The following FAR2 variants were observed in gnomAD, a reference collection of about 807,000 sequenced individuals.
The protein encoded by FAR2 is epididymis secretory protein Li 81.
FAR2 carries 19 observed loss-of-function variants against 56.0 expected under a neutral mutation model. The ratio of observed to expected loss-of-function variants is 0.34; its 90% CI spans 0.24 to 0.50. FAR2 has a LOEUF of 0.50. Among genes scored for constraint, FAR2 ranks in the 20% least tolerant of loss-of-function variants. The pLI is 0.98. For synonymous variants in FAR2, 219 were observed against 218.8 expected (o/e 1.00, Z -0.01); for missense variants, 508 against 642.2 (o/e 0.79, Z 2.26).
At chr12:29,177,206 C>G (rs1949946901) in intron 1 of FAR2, among the ~76,000 whole-genome samples, 1 of 152,132 alleles carries the variant, frequency 6.6e-6, no homozygotes, top group Non-Finnish European at 1.5e-5. Context: ...CAAACAAACA[C>G]CCAGATTTTC....
chr12:29,267,274 T>G (rs1240985112), intron 1 of FAR2, among the ~76,000 whole-genome samples: 1 of 152,038 alleles, frequency 6.6e-6, no homozygotes, highest in Non-Finnish European at 1.5e-5. Flanking sequence ...GAAGAAAAAA[T>G]GTAAAACCAG....
chr12:29,231,186 G>C (rs1006049471), intron 1 of FAR2, among the ~76,000 whole-genome samples: 1 of 152,184 alleles, frequency 6.6e-6, no homozygotes, highest in African/African-American at 2.4e-5. Context: ...GTGGATGCAG[G>C]AATATTTGTT....
intron 1 of FAR2, among the ~76,000 whole-genome samples, chr12:29,255,893 G>A (rs1948309207): frequency 6.6e-6 from 1 of 151,634 alleles, no homozygotes; most frequent in African/African-American, 2.4e-5. Context: ...TTTTTGAGAT[G>A]GAGTCTCACT....
chr12:29,244,170 T>C (rs1948087623), intron 1 of FAR2, among the ~76,000 whole-genome samples: 1 of 152,212 alleles, frequency 6.6e-6, no homozygotes, highest in South Asian at 2.1e-4. Context: ...AATAATCAAA[T>C]GATTCATCAT....
At chr12:29,160,120 G>C (rs35039649) in intron 1 of FAR2, among the ~76,000 whole-genome samples, 2,231 of 152,266 alleles carry the variant, frequency 0.015, 34 homozygotes, top group African/African-American at 0.046. Context: ...GAACAACATG[G>C]GGTAATGACT....
chr12:29,276,496 T>C (rs1275802944), intron 2 of FAR2, among the ~76,000 whole-genome samples: 3 of 152,190 alleles, frequency 2.0e-5, no homozygotes, highest in Non-Finnish European at 4.4e-5. Flanking sequence ...TCTACTTTCT[T>C]GTCACTATAT....
chr12:29,179,235 A>G (rs1017567233), intron 1 of FAR2, among the ~76,000 whole-genome samples: 10 of 152,238 alleles, frequency 6.6e-5, no homozygotes, highest in African/African-American at 2.4e-4. Flanking sequence ...AATTCAGCCC[A>G]TAACAATCTC....
At chr12:29,158,327 C>T (rs1296016176) in intron 1 of FAR2, among the ~76,000 whole-genome samples, 1 of 152,190 alleles carries the variant, frequency 6.6e-6, no homozygotes, top group Non-Finnish European at 1.5e-5. Flanking sequence ...AAAAGATGGG[C>T]ACTTGTTCTT....
chr12:29,286,406 C>G (rs1021734450), intron 2 of FAR2, among the ~76,000 whole-genome samples: 1 of 152,200 alleles, frequency 6.6e-6, no homozygotes, highest in Non-Finnish European at 1.5e-5. Flanking sequence ...TAGGAAATTT[C>G]TTCCTCGATG....
chr12:29,322,327 C>G lies in FAR2; in HGVS notation c.1257+403C>G, dbSNP rs1450061547. Reference sequence around the variant, plus strand: ...TATTGCTTATAAACTCAATCATCCACTATTCTTGTCCAATCAAAATTGTTC... The same window carrying G: ...TATTGCTTATAAACTCAATCATCCAGTATTCTTGTCCAATCAAAATTGTTC... On this transcript the variant is annotated intron_variant, in intron 10 of 11. Coordinates refer to ENST00000536681, the MANE Select transcript of FAR2 (RefSeq NM_001271783.2). 2.6e-5 allele frequency among the ~76,000 whole-genome samples: 4 copies of G among 152,178 alleles called. No homozygotes were observed. The South Asian group carries it at 6.2e-4, about 24-fold the overall frequency.
At chr12:29,176,221 T>A (rs1185371927) in intron 1 of FAR2, among the ~76,000 whole-genome samples, 1 of 152,252 alleles carries the variant, frequency 6.6e-6, no homozygotes, top group African/African-American at 2.4e-5. Context: ...AAGAAAAGAT[T>A]TAATTTCTAA....
intron 1 of FAR2, among the ~76,000 whole-genome samples, chr12:29,216,538 T>C (rs1285976294): frequency 6.6e-6 from 1 of 152,146 alleles, no homozygotes; most frequent in Non-Finnish European, 1.5e-5. Context: ...AAAGGGAAAC[T>C]TCTACAAAAT....
At chr12:29,298,871 G>A (rs1201808542) in intron 4 of FAR2, among the ~76,000 whole-genome samples, 9 of 152,086 alleles carry the variant, frequency 5.9e-5, no homozygotes, top group Non-Finnish European at 1.0e-4. Flanking sequence ...CACCTGACAG[G>A]TCATAGTGCA....
intron 1 of FAR2, among the ~76,000 whole-genome samples, chr12:29,236,819 A>G (rs1460319825): frequency 6.6e-6 from 1 of 150,884 alleles, no homozygotes; most frequent in African/African-American, 2.4e-5. Flanking sequence ...GGGACAGGAA[A>G]TTGAAAATGC....
At chr12:29,306,603 CTATGT>C (rs1330041775) in intron 4 of FAR2, among the ~76,000 whole-genome samples, 2 of 152,120 alleles carry the variant, frequency 1.3e-5, no homozygotes, top group Non-Finnish European at 2.9e-5. Flanking sequence ...TTTTAAAAAG[CTATGT>C]TATATCAATG....
At chr12:29,293,194 C>A in intron 2 of FAR2, 106 bp from the exon 3 acceptor site, 2 of 948,896 alleles carry the variant, frequency 2.1e-6, no homozygotes, top group South Asian at 2.1e-5. Context: ...AATGTTATTA[C>A]AACTAAAACC....
Position 29,255,730 on chromosome 12 carries a change from T to A in FAR2, c.-38-14682T>A, listed in dbSNP as rs76257483. 3.2e-4 allele frequency among the ~76,000 whole-genome samples: 48 copies of A among 152,310 alleles called. No homozygotes were observed. The East Asian group carries it at 8.1e-3, about 26-fold the overall frequency. The stretch of plus-strand genomic sequence containing the variant: ...ACTTCTGCCTCCCAGGTACATGCGA[T>A]TCTCCTGTCTCAGCCTCCCAAGTAG... On this transcript the variant is annotated intron_variant, in intron 1 of 11. Transcript: ENST00000536681.
chr12:29,275,132 C>T (rs952184268), intron 2 of FAR2, among the ~76,000 whole-genome samples: 1 of 150,882 alleles, frequency 6.6e-6, no homozygotes, highest in African/African-American at 2.4e-5. Context: ...TTTTAATCAT[C>T]TGGGTGCAGG....
intron 1 of FAR2, among the ~76,000 whole-genome samples, chr12:29,245,279 C>T (rs115165583): frequency 0.014 from 2,104 of 152,290 alleles, 42 homozygotes; most frequent in African/African-American, 0.048. Context: ...TGCGCCTGGC[C>T]CTGTCTGCCC....
Sources: allele counts gnomAD v4.1 joint callset (sites outside exome capture counted in the v4.1 genomes callset), GRCh38; gene constraint gnomAD v4.1.1; transcripts MANE v1.5; gene names NCBI Gene and HGNC (gene_info 2026-07-23, HGNC 2026-07-21).